The following CMTM3 variants were observed in gnomAD, a reference collection of about 807,000 sequenced individuals.
CMTM3 encodes the protein CKLF like MARVEL transmembrane domain containing 3, also known as CKLF-like MARVEL transmembrane domain-containing protein 3.
A neutral mutation model predicts 18.2 loss-of-function variants in CMTM3; 7 were observed. The observed-to-expected ratio is 0.38, with a 90% confidence interval of 0.22 to 0.72. The LOEUF is 0.72. Among genes scored for constraint, CMTM3 ranks in the 30% least tolerant of loss-of-function variants. The pLI is 0.46. For missense variants in CMTM3, 227 were observed against 249.2 expected (o/e 0.91, Z 0.60); for synonymous variants, 109 against 111.2 (o/e 0.98, Z 0.12).
Position 66,605,034 on chromosome 16 carries a change from C to A in CMTM3, c.147+82C>A, listed in dbSNP as rs1024659380. 5 of 1,238,062 alleles carry A rather than the reference C, an allele frequency of 4.0e-6. No individual in the cohort carries two copies. In the African/African-American group the frequency reaches 4.8e-5, roughly 12 times the overall value. 76.7% of individuals were successfully genotyped at this position (1,238,062 alleles called of 1,614,324 possible). ...GAGGACGTCGGGGCGCGGGTGGGGT[C>A]CGGGGGCGGCCGCCGTGCTCCGATA... On this transcript the variant is annotated intron_variant, in intron 1 of 4. Transcript: ENST00000567572. This position sits in a 1 kb window ranked among gnomAD's most constrained non-coding sequence, Gnocchi z 4.6.
At position 66,604,874 on chromosome 16, in the gene CMTM3, G is replaced by C. The variant is rs753270153; in HGVS notation, c.69G>C (p.Ala23=). The C allele has an allele frequency of 7.1e-7, 1 of 1,412,604 alleles. No homozygotes were observed. The highest frequency in any genetic ancestry group is 9.2e-7 in the Non-Finnish European group (1 of 1,087,152). The allele number at this position is 1,412,604 out of a possible 1,614,324, so 87.5% of individuals were successfully genotyped here. A position where few individuals can be genotyped will look rare whatever the true frequency, so the allele number is the denominator to read the frequency against. Residue 23 remains alanine, a synonymous_variant, in exon 1 of 5, where the codon GCG becomes GCC. Coordinates refer to ENST00000567572, the MANE Select transcript of CMTM3 (RefSeq NM_181553.4). The part of the protein sequence containing the change: ...EPAGGSRPGP[A]VPGLRALLPA... ...CCGGCGGCTCCCGTCCCGGCCCCGC[G>C]GTCCCCGGGCTCCGCGCCCTGCTGC...
rs1272670516 is a variant in CMTM3 at position 66,613,383 on chromosome 16, C to T, written c.*746C>T. ...ATCACAGTGACAGTGTCATGGGGAG[C>T]TGGGCGGGCCCAGCCAAACCCTCCT... is the stretch of plus-strand genomic sequence containing the variant. On this transcript the variant is annotated 3_prime_UTR_variant, in exon 5 of 5. Coordinates refer to ENST00000567572, the MANE Select transcript of CMTM3 (RefSeq NM_181553.4). The T allele has an allele frequency of 9.0e-6, 4 of 444,304 alleles. No individual in the cohort carries two copies. In the East Asian group the frequency reaches 1.1e-4, roughly 12 times the overall value. 27.5% of individuals were successfully genotyped at this position (444,304 alleles called of 1,614,324 possible).
Position 66,604,970 on chromosome 16 carries a change from C to A in CMTM3, c.147+18C>A. 1 of 1,482,196 alleles carries A rather than the reference C, an allele frequency of 6.7e-7. No individual in the cohort carries two copies. Among genetic ancestry groups the A allele is most frequent in the African/African-American group, 1.5e-5 (1 of 68,516 alleles). The allele number at this position is 1,482,196 out of a possible 1,614,324, so 91.8% of individuals were successfully genotyped here. On this transcript the variant is annotated intron_variant, in intron 1 of 4. Coordinates refer to ENST00000567572, the MANE Select transcript of CMTM3 (RefSeq NM_181553.4). Reference sequence around the variant, plus strand: ...CCGAGTCGGTGAGTGCGGCGGGACCCTCGGCCGCCCCGCTAGGACTGCGCG... The same window carrying A: ...CCGAGTCGGTGAGTGCGGCGGGACCATCGGCCGCCCCGCTAGGACTGCGCG...
Position 66,605,778 on chromosome 16 carries a change from G to A in CMTM3, c.147+826G>A, listed in dbSNP as rs2015127499. Among the ~76,000 whole-genome samples the A allele has an allele frequency of 6.6e-6, 1 of 152,200 alleles. No individual in the cohort carries two copies. The highest frequency in any genetic ancestry group is 1.5e-5 in the Non-Finnish European group (1 of 68,030). On this transcript the variant is annotated intron_variant, in intron 1 of 4. Transcript: ENST00000567572. This position sits in a 1 kb window ranked among gnomAD's most constrained non-coding sequence, Gnocchi z 4.6. ...CTCAACTGAGGGGCCCAGTGAGAGC[G>A]GCCAGGAGGGTGGGGGCAGGAGGAA...
rs1303616976 is a variant in CMTM3, at chr16:66,612,418, G to C, written c.521-191G>C. Among the ~76,000 whole-genome samples the C allele has an allele frequency of 6.6e-6, 1 of 152,110 alleles. No individual in the cohort carries two copies. Among genetic ancestry groups the C allele is most frequent in the African/African-American group, 2.4e-5 (1 of 41,440 alleles). ...AAAAAAAAAAGAGAGAGAGAAAGTG[G>C]CTGCTGCCTGTGGAGGGCCTCAGGC... On this transcript the variant is annotated intron_variant, in intron 4 of 4. Transcript: ENST00000567572. This position sits in a 1 kb window ranked among gnomAD's most constrained non-coding sequence, Gnocchi z 6.0.
At chr16:66,604,051 T>A (rs72790434), upstream of CMTM3, 24,773 of 150,596 alleles carry the variant, frequency 0.16, 2,372 homozygotes, top group East Asian at 0.26. Flanking sequence ...TGTGTGTGTG[T>A]GAGAGAGAGA....
chr16:66,612,797 C>A lies in CMTM3; in HGVS notation c.*160C>A. 1 of 700,830 alleles carries A rather than the reference C, an allele frequency of 1.4e-6. No homozygotes were observed. 43.4% of individuals were successfully genotyped at this position (700,830 alleles called of 1,614,324 possible). A position where few individuals can be genotyped will look rare whatever the true frequency, so the allele number is the denominator to read the frequency against. ...AGCCTCAGGTTCTGCCTGAGCCCAG[C>A]CTACCAGGCTTGCCCCTCAGCTCAG... is the stretch of plus-strand genomic sequence containing the variant. On this transcript the variant is annotated 3_prime_UTR_variant, in exon 5 of 5. Coordinates refer to ENST00000567572, the MANE Select transcript of CMTM3 (RefSeq NM_181553.4). This position sits in a 1 kb window ranked among gnomAD's most constrained non-coding sequence, Gnocchi z 6.0.
chr16:66,609,485 C>G lies in CMTM3; in HGVS notation c.354C>G (p.Ile118Met). 6.2e-7 allele frequency: 1 copy of G among 1,611,892 alleles called. No homozygotes were observed. Among genetic ancestry groups the G allele is most frequent in the Middle Eastern group, 1.7e-4 (1 of 6,060 alleles). ...TAALIYFAIS[I>M]TAIAKYSDGA... is the part of the protein sequence containing the mutation. ...CCCTCATCTACTTTGCTATCTCCATCACGGCCATCGCCAAGTACTCGGATG... is the reference window on the plus strand; with the variant it reads ...CCCTCATCTACTTTGCTATCTCCATGACGGCCATCGCCAAGTACTCGGATG... The change falls in exon 3 of 5, where the codon ATC becomes ATG. Residue 118 changes from isoleucine (I) to methionine (M), a missense_variant. By Grantham distance (10) the Ile-to-Met change is conservative. Coordinates refer to ENST00000567572, the MANE Select transcript of CMTM3 (RefSeq NM_181553.4). The surrounding 1 kb of genome is among the most constrained non-coding windows in gnomAD (Gnocchi z 4.4).
chr16:66,604,652 G>T (rs1412686633), upstream of CMTM3: 19 of 528,394 alleles, frequency 3.6e-5, no homozygotes, highest in East Asian at 6.3e-4. Flanking sequence ...CTGGAGGAGC[G>T]GGTGGGGGCG....
In CMTM3 at chr16:66,604,955, G is replaced by T; in HGVS notation, c.147+3G>T. ...GCCGCCTCCTGCTGGCCGAGTCGGTGAGTGCGGCGGGACCCTCGGCCGCCC... is the reference window on the plus strand; with the variant it reads ...GCCGCCTCCTGCTGGCCGAGTCGGTTAGTGCGGCGGGACCCTCGGCCGCCC... On this transcript the variant is annotated splice_donor_region_variant and intron_variant, in intron 1 of 4. Coordinates refer to ENST00000567572, the MANE Select transcript of CMTM3 (RefSeq NM_181553.4). 6.7e-7 allele frequency: 1 copy of T among 1,501,602 alleles called. No individual in the cohort carries two copies. Among genetic ancestry groups the T allele is most frequent in the East Asian group, 2.8e-5 (1 of 35,178 alleles). The allele number at this position is 1,501,602 out of a possible 1,614,324, so 93.0% of individuals were successfully genotyped here.
rs111489407 is a variant in CMTM3 at position 66,608,747 on chromosome 16, A to G, written c.303+283A>G. 0.016 allele frequency among the ~76,000 whole-genome samples: 2,401 copies of G among 152,260 alleles called. 38 individuals carry two copies. Among genetic ancestry groups the G allele is most frequent in the African/African-American group, 0.038 (1,581 of 41,548 alleles). ...GGCGCCGGTGCTCCCCACCGGGCCTACAGGAATGAGCTGCCGCCACAGGAA... is the reference window on the plus strand; with the variant it reads ...GGCGCCGGTGCTCCCCACCGGGCCTGCAGGAATGAGCTGCCGCCACAGGAA... On this transcript the variant is annotated intron_variant, in intron 2 of 4. Transcript: ENST00000567572. The surrounding 1 kb of genome is among the most constrained non-coding windows in gnomAD (Gnocchi z 5.1).
Position 66,605,053 on chromosome 16 carries a change from T to C in CMTM3, c.147+101T>C, listed in dbSNP as rs1199141243. The C allele has an allele frequency of 2.8e-6, 3 of 1,088,190 alleles. No individual in the cohort carries two copies. Among genetic ancestry groups the C allele is most frequent in the Admixed American group, 4.3e-5 (1 of 23,340 alleles). The allele number at this position is 1,088,190 out of a possible 1,614,324, so 67.4% of individuals were successfully genotyped here. A position where few individuals can be genotyped will look rare whatever the true frequency, so the allele number is the denominator to read the frequency against. On this transcript the variant is annotated intron_variant, in intron 1 of 4. Coordinates refer to ENST00000567572, the MANE Select transcript of CMTM3 (RefSeq NM_181553.4). This position sits in a 1 kb window ranked among gnomAD's most constrained non-coding sequence, Gnocchi z 4.6. ...TGGGGTCCGGGGGCGGCCGCCGTGC[T>C]CCGATACCCCCTCTCCGCGCCGCCT...
chr16:66,611,750 G>C (rs2015385077), intron 4 of CMTM3, among the ~76,000 whole-genome samples: 1 of 152,158 alleles, frequency 6.6e-6, no homozygotes, highest in Non-Finnish European at 1.5e-5. Context: ...CTCCGAGACA[G>C]AACTGGGATT....
Position 66,609,333 on chromosome 16 carries a change from G to C in CMTM3, c.304-102G>C, listed in dbSNP as rs2015280834. ...GGCCAGGATGGGATAGGAGCCCTCA[G>C]GTGCTAGGCCTGGGGCTGGGAACAC... is the stretch of plus-strand genomic sequence containing the variant. On this transcript the variant is annotated intron_variant, in intron 2 of 4. Transcript: ENST00000567572. The surrounding 1 kb of genome is among the most constrained non-coding windows in gnomAD (Gnocchi z 4.4). 5.0e-6 allele frequency: 5 copies of C among 995,362 alleles called. No homozygotes were observed. The South Asian group carries it at 7.3e-5, about 14-fold the overall frequency. 61.7% of individuals were successfully genotyped at this position (995,362 alleles called of 1,614,324 possible).
Position 66,608,335 on chromosome 16 carries a change from CTA to C in CMTM3, c.176_177del (p.Tyr59CysfsTer26). On this transcript the variant is annotated frameshift_variant, in exon 2 of 5. Transcript: ENST00000567572. LOFTEE classifies it high-confidence loss of function. The surrounding 1 kb of genome is among the most constrained non-coding windows in gnomAD (Gnocchi z 5.1). ...SGLSFITFIC[Y>X]VASSASAFLT... ...GTCTCTCATTCATCACTTTTATCTG[CTA>C]TGTGGCGTCCTCAGCATCTGCCTTC... is the stretch of plus-strand genomic sequence containing the variant. 1 of 1,614,222 alleles carries C rather than the reference CTA, an allele frequency of 6.2e-7. No individual in the cohort carries two copies. Among genetic ancestry groups the C allele is most frequent in the Non-Finnish European group, 8.5e-7 (1 of 1,180,036 alleles).
rs1014308733 is a variant in CMTM3 at position 66,605,384 on chromosome 16, G to C, written c.147+432G>C. 1 of 155,068 alleles carries C rather than the reference G, an allele frequency of 6.4e-6. No individual in the cohort carries two copies. The highest frequency in any genetic ancestry group is 6.5e-5 in the Admixed American group (1 of 15,358). The allele number at this position is 155,068 out of a possible 1,614,324, so 9.6% of individuals were successfully genotyped here. On this transcript the variant is annotated intron_variant, in intron 1 of 4. Transcript: ENST00000567572. This position sits in a 1 kb window ranked among gnomAD's most constrained non-coding sequence, Gnocchi z 4.6. ...TCGACCTGCGGGGCCGAGCCGGCGG[G>C]GGGCCGTGCGGAGCGGGAGGGATCC... is the stretch of plus-strand genomic sequence containing the variant.
rs566439031 is a variant in CMTM3 at position 66,609,808 on chromosome 16, G to C, written c.400-75G>C. 1 of 1,613,980 alleles carries C rather than the reference G, an allele frequency of 6.2e-7. No individual in the cohort carries two copies. The highest frequency in any genetic ancestry group is 8.5e-7 in the Non-Finnish European group (1 of 1,179,924). ...GTTTGTCCAAGCAGATCTGAAATGG[G>C]CCGTGAGGCTGGGGCAGCAGCCTCC... is the stretch of plus-strand genomic sequence containing the variant. On this transcript the variant is annotated intron_variant, in intron 3 of 4. Coordinates refer to ENST00000567572, the MANE Select transcript of CMTM3 (RefSeq NM_181553.4). This position sits in a 1 kb window ranked among gnomAD's most constrained non-coding sequence, Gnocchi z 4.4.
At position 66,613,060 on chromosome 16, in the gene CMTM3, A is replaced by G; in HGVS notation, c.*423A>G. 1.4e-6 allele frequency: 1 copy of G among 703,012 alleles called. No individual in the cohort carries two copies. The highest frequency in any genetic ancestry group is 2.6e-6 in the Non-Finnish European group (1 of 385,006). 43.5% of individuals were successfully genotyped at this position (703,012 alleles called of 1,614,324 possible). The stretch of plus-strand genomic sequence containing the variant: ...GAAACCATGACAGGGCTGCCCCGCC[A>G]GGCCCCGGTGGGTTTGTCTGCACTT... On this transcript the variant is annotated 3_prime_UTR_variant, in exon 5 of 5. Coordinates refer to ENST00000567572, the MANE Select transcript of CMTM3 (RefSeq NM_181553.4).
At position 66,604,943 on chromosome 16, in the gene CMTM3, G is replaced by T; in HGVS notation, c.138G>T (p.Leu46=). The change falls in exon 1 of 5, where the codon CTG becomes CTT. Residue 46 remains leucine (L), a synonymous_variant. Transcript: ENST00000567572. Reference sequence around the variant, plus strand: ...GCTCTCTCAAAGGCCGCCTCCTGCTGGCCGAGTCGGTGAGTGCGGCGGGAC... The same window carrying T: ...GCTCTCTCAAAGGCCGCCTCCTGCTTGCCGAGTCGGTGAGTGCGGCGGGAC... ...FLCSLKGRLL[L]AESGLSFITF... The T allele has an allele frequency of 6.6e-7, 1 of 1,504,020 alleles. No individual in the cohort carries two copies. The highest frequency in any genetic ancestry group is 2.8e-5 in the East Asian group (1 of 35,100). 93.2% of individuals were successfully genotyped at this position (1,504,020 alleles called of 1,614,324 possible). A position where few individuals can be genotyped will look rare whatever the true frequency, so the allele number is the denominator to read the frequency against.
Sources: gnomAD v4.1 joint callset for allele counts (sites outside exome capture counted in the v4.1 genomes callset) on GRCh38, gnomAD v4.1.1 for gene constraint, Gnocchi (gnomAD v3.1) non-coding constraint, MANE v1.5 for transcripts, NCBI Gene and HGNC (gene_info 2026-07-23, HGNC 2026-07-21) for gene names.